The following BMAL1 variants were observed in gnomAD, a reference collection of about 807,000 sequenced individuals.
The protein encoded by BMAL1 is basic helix-loop-helix ARNT like 1.
At chr11:13,386,114 A>C in the BMAL1 span, among the ~76,000 whole-genome samples, 1 of 152,218 alleles carries the variant, frequency 6.6e-6, no homozygotes, top group Non-Finnish European at 1.5e-5. Context: ...ATTAGTAAGC[A>C]TATCAGAAGG....
chr11:13,277,968 C>T, the BMAL1 span: 1 of 151,344 alleles, frequency 6.6e-6, no homozygotes, highest in African/African-American at 2.4e-5. Flanking sequence ...TCCCGCGCAC[C>T]CCGTCGGGGG....
the BMAL1 span, among the ~76,000 whole-genome samples, chr11:13,325,784 A>G: frequency 6.6e-6 from 1 of 151,732 alleles, no homozygotes; most frequent in Non-Finnish European, 1.5e-5. Context: ...ATTATTTCCC[A>G]TCTTGATGAG....
At chr11:13,299,606 C>T in the BMAL1 span, among the ~76,000 whole-genome samples, 4 of 151,984 alleles carry the variant, frequency 2.6e-5, no homozygotes, top group African/African-American at 4.8e-5. Context: ...ATTGTGGTGG[C>T]GTGAGGGAGA....
the BMAL1 span, among the ~76,000 whole-genome samples, chr11:13,328,912 T>C: frequency 6.6e-6 from 1 of 152,192 alleles, no homozygotes; most frequent in Non-Finnish European, 1.5e-5. Context: ...GAATGGGAGA[T>C]CTAATTATTT....
At chr11:13,376,519 G>C in the BMAL1 span, 14 of 917,832 alleles carry the variant, frequency 1.5e-5, no homozygotes, top group Non-Finnish European at 1.4e-5. Context: ...CACTCAGACA[G>C]ACACTTCATT....
chr11:13,283,995 G>A, the BMAL1 span, among the ~76,000 whole-genome samples: 4 of 150,892 alleles, frequency 2.7e-5, no homozygotes, highest in African/African-American at 9.8e-5. Context: ...ACTGGGGAGG[G>A]GACCTTTTCA....
At chr11:13,365,618 TG>T in the BMAL1 span, 4 of 1,594,548 alleles carry the variant, frequency 2.5e-6, no homozygotes, top group South Asian at 1.1e-5. Context: ...CTGTTGATGG[TG>T]GGCAGCCTCA....
At chr11:13,361,009 C>T in the BMAL1 span, among the ~76,000 whole-genome samples, 2 of 152,112 alleles carry the variant, frequency 1.3e-5, no homozygotes, top group East Asian at 1.9e-4. Flanking sequence ...GAGGCTGAGA[C>T]ATGAGAATTG....
chr11:13,367,706 GA>G, the BMAL1 span, among the ~76,000 whole-genome samples: 2,848 of 86,160 alleles, frequency 0.033, 35 homozygotes, highest in African/African-American at 0.054. Flanking sequence ...CTCTGTCTCA[GA>G]AAAAAAAAAA....
chr11:13,344,174 TCTC>T, the BMAL1 span, among the ~76,000 whole-genome samples: 2 of 152,056 alleles, frequency 1.3e-5, no homozygotes, highest in Non-Finnish European at 2.9e-5. Context: ...GCTGGTCTCA[TCTC>T]CTTTTATTAA....
At chr11:13,302,186 G>A in the BMAL1 span, among the ~76,000 whole-genome samples, 1 of 152,184 alleles carries the variant, frequency 6.6e-6, no homozygotes, top group Admixed American at 6.5e-5. Context: ...GTTTGTCAGT[G>A]AGGCCCAGAG....
chr11:13,337,034 A>G, the BMAL1 span, among the ~76,000 whole-genome samples: 1 of 152,220 alleles, frequency 6.6e-6, no homozygotes, highest in Admixed American at 6.5e-5. Context: ...TCATAAGAGA[A>G]AGTTTGAAAC....
the BMAL1 span, among the ~76,000 whole-genome samples, chr11:13,350,891 A>G: frequency 2.5e-4 from 38 of 152,248 alleles, no homozygotes; most frequent in African/African-American, 8.0e-4. Context: ...TACAACATCA[A>G]TGATGAACAA....
At chr11:13,366,515 T>C in the BMAL1 span, 3 of 669,282 alleles carry the variant, frequency 4.5e-6, no homozygotes, top group South Asian at 4.0e-5. Context: ...GGCAAAGTGG[T>C]TGGACATATG....
chr11:13,325,796 T>C, the BMAL1 span, among the ~76,000 whole-genome samples: 2 of 152,262 alleles, frequency 1.3e-5, no homozygotes, highest in Non-Finnish European at 2.9e-5. Flanking sequence ...CTTGATGAGG[T>C]GTGTCCCCTC....
the BMAL1 span, among the ~76,000 whole-genome samples, chr11:13,349,165 TTTC>T: frequency 6.6e-6 from 1 of 152,236 alleles, no homozygotes; most frequent in Non-Finnish European, 1.5e-5. Flanking sequence ...TCAGAATTTC[TTTC>T]TTAACTTCGT....
At chr11:13,311,842 A>C in the BMAL1 span, among the ~76,000 whole-genome samples, 2 of 152,196 alleles carry the variant, frequency 1.3e-5, no homozygotes, top group Non-Finnish European at 2.9e-5. Flanking sequence ...GCCATGAGAC[A>C]AGATGTGATC....
At chr11:13,301,637 G>A in the BMAL1 span, among the ~76,000 whole-genome samples, 3 of 152,178 alleles carry the variant, frequency 2.0e-5, no homozygotes, top group East Asian at 5.8e-4. Context: ...TCTCAGCAAA[G>A]GTAAAAGGCC....
At chr11:13,308,839 T>C in the BMAL1 span, among the ~76,000 whole-genome samples, 1 of 152,104 alleles carries the variant, frequency 6.6e-6, no homozygotes, top group Non-Finnish European at 1.5e-5. Context: ...TGGGGAGGAT[T>C]GAGTCAGATT....
Sources: allele counts gnomAD v4.1 joint callset (sites outside exome capture counted in the v4.1 genomes callset), GRCh38; gene constraint gnomAD v4.1.1; transcripts MANE v1.5; gene names NCBI Gene and HGNC (gene_info 2026-07-23, HGNC 2026-07-21).